Variants in IFT88 observed in about 807,000 individuals in gnomAD.
The protein encoded by IFT88 is intraflagellar transport 88.
Under a neutral mutation model 119.5 loss-of-function variants are expected in IFT88, and 74 were observed. The observed-to-expected ratio is 0.62, with a 90% CI of 0.51 to 0.75. IFT88 has a LOEUF of 0.75. Among genes scored for constraint, IFT88 ranks in the 30% least tolerant of loss-of-function variants. The pLI, the probability that IFT88 is intolerant of heterozygous loss-of-function variation, is 0.00. For synonymous variants in IFT88, 279 were observed against 316.7 expected (o/e 0.88, Z 1.26); for missense variants, 961 against 977.7 (o/e 0.98, Z 0.23).
intron 24 of IFT88, among the ~76,000 whole-genome samples, chr13:20,683,640 G>A (rs111637272): frequency 1.3e-3 from 201 of 152,306 alleles, no homozygotes; most frequent in African/African-American, 4.3e-3. Context: ...GTAGAGAAAT[G>A]ATGGAAATGT....
At chr13:20,574,299 A>G in intron 1 of IFT88, 81 bp from the exon 2 acceptor site, 4 of 658,664 alleles carry the variant, frequency 6.1e-6, no homozygotes, top group Non-Finnish European at 7.3e-6. Context: ...CAGCCTGGGC[A>G]ACAGAGCAAG....
Position 20,643,558 on chromosome 13 carries a change from T to G in IFT88, c.1786T>G (p.Tyr596Asp). 6.2e-7 allele frequency: 1 copy of G among 1,610,492 alleles called. No homozygotes were observed. The highest frequency in any genetic ancestry group is 2.2e-5 in the East Asian group (1 of 44,840). ...AGTTTTATCTAAGCTAGGAGAATTATATGATCGTGAAGGAGATAAATCTCA... is the reference window on the plus strand; with the variant it reads ...AGTTTTATCTAAGCTAGGAGAATTAGATGATCGTGAAGGAGATAAATCTCA... ...PQVLSKLGEL[Y>D]DREGDKSQAF... Residue 596 changes from tyrosine (Y) to aspartate (D), a missense_variant, in exon 19 of 26, where the codon TAT (tyrosine) becomes GAT (aspartate). Transcript: ENST00000351808.
chr13:20,568,179 TAA>T (rs34335945), intron 1 of IFT88, among the ~76,000 whole-genome samples: 2 of 143,782 alleles, frequency 1.4e-5, no homozygotes. Context: ...ACCTTTCACT[TAA>T]AAAAAAAAAA....
chr13:20,618,644 G>A (rs909669292), intron 14 of IFT88, among the ~76,000 whole-genome samples: 2 of 152,108 alleles, frequency 1.3e-5, no homozygotes, highest in Non-Finnish European at 2.9e-5. Flanking sequence ...TAGAGATTCA[G>A]TTGGTCTTAA....
chr13:20,622,439 C>T (rs936084917), intron 14 of IFT88, among the ~76,000 whole-genome samples: 1 of 152,150 alleles, frequency 6.6e-6, no homozygotes, highest in Non-Finnish European at 1.5e-5. Context: ...ATTTTGCATT[C>T]CCATTAGCAA....
intron 13 of IFT88, chr13:20,607,970 T>C: frequency 1.6e-6 from 1 of 608,956 alleles, no homozygotes; most frequent in Admixed American, 2.0e-5. Context: ...AAGCACCTCC[T>C]CCTGGCACCA....
chr13:20,567,812 A>C, intron 1 of IFT88: 1 of 1,300,248 alleles, frequency 7.7e-7, no homozygotes, highest in South Asian at 1.9e-5. Context: ...ATTCTTTCTA[A>C]GCCTAAAATT....
intron 24 of IFT88, among the ~76,000 whole-genome samples, chr13:20,675,314 G>A (rs927507479): frequency 6.6e-6 from 1 of 152,150 alleles, no homozygotes; most frequent in Non-Finnish European, 1.5e-5. Context: ...GTCAGCCTCA[G>A]TCCCAACTTG....
chr13:20,587,636 G>C (rs1326320669), intron 3 of IFT88, among the ~76,000 whole-genome samples: 1 of 152,040 alleles, frequency 6.6e-6, no homozygotes, highest in East Asian at 1.9e-4. Context: ...TTAGGTTTTT[G>C]CTTTATATAT....
At position 20,591,006 on chromosome 13, in the gene IFT88, A is replaced by G. The variant is rs148678288; in HGVS notation, c.250A>G (p.Thr84Ala). The stretch of plus-strand genomic sequence containing the variant: ...GGCATCATCAATAGGAAGACCAATG[A>G]CAGGGGCTATTCAGGTATCTCTATT... ...SLASSIGRPM[T>A]GAIQDGVTRP... The change falls in exon 5 of 26, where the codon ACA (threonine) becomes GCA (alanine). Residue 84 changes from threonine to alanine, a missense_variant. By Grantham distance (58) the Thr-to-Ala change is moderately conservative. Transcript: ENST00000351808. 535 of 1,609,860 alleles carry G rather than the reference A, an allele frequency of 3.3e-4. 2 individuals carry two copies. In the African/African-American group the frequency reaches 5.2e-3, roughly 16 times the overall value.
intron 1 of IFT88, among the ~76,000 whole-genome samples, chr13:20,569,757 G>A (rs950967915): frequency 5.3e-5 from 8 of 151,558 alleles, no homozygotes; most frequent in African/African-American, 1.5e-4. Context: ...GGCCGGGCGC[G>A]GTGGTTCACG....
At chr13:20,594,472 A>G (rs1437000119) in intron 7 of IFT88, among the ~76,000 whole-genome samples, 2 of 152,166 alleles carry the variant, frequency 1.3e-5, no homozygotes, top group Admixed American at 1.3e-4. Context: ...TCTGCATGCA[A>G]AGAAGAAGGG....
chr13:20,569,617 G>A (rs1396674218), intron 1 of IFT88, among the ~76,000 whole-genome samples: 1 of 151,722 alleles, frequency 6.6e-6, no homozygotes, highest in Non-Finnish European at 1.5e-5. Context: ...TCAGAGGATA[G>A]TACAAAGAAT....
At chr13:20,664,107 G>A (rs1393233069) in intron 23 of IFT88, among the ~76,000 whole-genome samples, 2 of 152,138 alleles carry the variant, frequency 1.3e-5, no homozygotes, top group Non-Finnish European at 2.9e-5. Context: ...AGGTGAAAAA[G>A]TAGACATAAA....
chr13:20,606,098 G>A (rs1034031315), intron 13 of IFT88, among the ~76,000 whole-genome samples: 1 of 152,162 alleles, frequency 6.6e-6, no homozygotes, highest in African/African-American at 2.4e-5. Context: ...GATTGAGGGT[G>A]GAATTAAAAG....
In IFT88 at chr13:20,578,034, CTTTTTTTTTT is replaced by C. The variant is rs57202566; in HGVS notation, c.90+3578_90+3587del. Among the ~76,000 whole-genome samples the C allele has an allele frequency of 1.3e-4, 7 of 55,872 alleles. No homozygotes were observed. The East Asian group carries it at 4.4e-3, about 35-fold the overall frequency. 36.7% of individuals were successfully genotyped at this position (55,872 alleles called of 152,430 possible). A position where few individuals can be genotyped will look rare whatever the true frequency, so the allele number is the denominator to read the frequency against. On this transcript the variant is annotated intron_variant, in intron 2 of 25. Transcript: ENST00000351808. ...TATTGTGGCTTCAGTCTTGTTACTTCTTTTTTTTTTTTTTTTTTTTTTTTTTTTCAGATGG... is the reference window on the plus strand; with the variant it reads ...TATTGTGGCTTCAGTCTTGTTACTTCTTTTTTTTTTTTTTTTTTCAGATGG...
At chr13:20,585,988 A>G (rs59233094) in intron 3 of IFT88, among the ~76,000 whole-genome samples, 411 of 152,348 alleles carry the variant, frequency 2.7e-3, no homozygotes, top group African/African-American at 8.9e-3. Flanking sequence ...TAAGTGTTCC[A>G]TACATCTTTA....
chr13:20,669,104 G>A lies in IFT88; in HGVS notation c.2176-1869G>A, dbSNP rs368114062. 7.2e-5 allele frequency among the ~76,000 whole-genome samples: 11 copies of A among 152,316 alleles called. No homozygotes were observed. The South Asian group carries it at 2.1e-3, about 29-fold the overall frequency. The stretch of plus-strand genomic sequence containing the variant: ...TTTCTCTTGATGAGTGAAGCAGAAA[G>A]ACAAGAAGGAGGCAAGGACCATAGT... On this transcript the variant is annotated intron_variant, in intron 23 of 25. Coordinates refer to ENST00000351808, the MANE Select transcript of IFT88 (RefSeq NM_006531.5).
At chr13:20,660,131 T>C (rs529706820) in intron 22 of IFT88, among the ~76,000 whole-genome samples, 100 of 152,298 alleles carry the variant, frequency 6.6e-4, no homozygotes, top group Non-Finnish European at 9.6e-4. Context: ...TTATAAGTGC[T>C]ATGAAGGCAA....
Sources: allele counts gnomAD v4.1 joint callset (sites outside exome capture counted in the v4.1 genomes callset), GRCh38; gene constraint gnomAD v4.1.1; transcripts MANE v1.5; gene names NCBI Gene and HGNC (gene_info 2026-07-23, HGNC 2026-07-21).